DNAH9: variants seen among roughly 807,000 people sequenced by gnomAD.
DNAH9 encodes dynein axonemal heavy chain 9, also known as DNAH9 variant protein.
A neutral mutation model predicts 471.6 loss-of-function variants in DNAH9; 345 were observed. That is an observed-to-expected ratio of 0.73 (90% CI 0.67 to 0.80). DNAH9 has a LOEUF of 0.80. Ranked by LOEUF, DNAH9 falls within the 30% of genes least tolerant of loss-of-function variation. The pLI is 0.00. For missense variants in DNAH9, 5,407 were observed against 5,609.2 expected, an observed-to-expected ratio of 0.96 and a Z score of 1.15; for synonymous variants, 2,093 against 2,123.6, an observed-to-expected ratio of 0.99 and a Z score of 0.40.
At position 11,769,153 on chromosome 17, in the gene DNAH9, G is replaced by A. The variant is rs762156853; in HGVS notation, c.7376G>A (p.Arg2459His). 60 of 1,614,062 alleles carry A rather than the reference G, an allele frequency of 3.7e-5. 1 individual carries two copies. Among genetic ancestry groups the A allele is most frequent in the African/African-American group, 1.6e-4 (12 of 74,930 alleles). Residue 2459 changes from arginine to histidine, a missense_variant, in exon 38 of 69, where the codon CGT (arginine) becomes CAT (histidine). Around this residue, in one of 3 missense-constraint regions of DNAH9, gnomAD observed 4,636 missense variants for 4,900.3 expected, o/e 0.95. Transcript: ENST00000262442. Reference protein sequence around the residue: ...ACLVHTSETIRVCYFMERLMA... With the variant: ...ACLVHTSETIHVCYFMERLMA... Reference sequence around the variant, plus strand: ...TTGGTGCACACGAGTGAGACCATCCGTGTGTGCTACTTCATGGAGCGGTTG... The same window carrying A: ...TTGGTGCACACGAGTGAGACCATCCATGTGTGCTACTTCATGGAGCGGTTG...
chr17:11,840,472 C>T lies in DNAH9; in HGVS notation c.9507+5574C>T, dbSNP rs1216371282. ...AATACAATTTTCCTTATACATATAT[C>T]TTTATTGTTTGTGTGTAAGAATTTC... On this transcript the variant is annotated intron_variant, in intron 49 of 68. Transcript: ENST00000262442. Among the ~76,000 whole-genome samples, 3 of 152,072 alleles carry T rather than the reference C, an allele frequency of 2.0e-5. No homozygotes were observed. In the East Asian group the frequency reaches 5.8e-4, roughly 29 times the overall value.
intron 20 of DNAH9, among the ~76,000 whole-genome samples, chr17:11,693,626 T>C (rs371280625): frequency 2.0e-5 from 3 of 152,266 alleles, no homozygotes; most frequent in East Asian, 3.9e-4. Flanking sequence ...ACAGAAAATA[T>C]TGAAAGATAT....
intron 49 of DNAH9, among the ~76,000 whole-genome samples, chr17:11,848,800 T>A (rs1344805046): frequency 1.3e-5 from 2 of 152,068 alleles, no homozygotes; most frequent in East Asian, 1.9e-4. Context: ...ACAGACTTTT[T>A]AAAAATCCTC....
chr17:11,778,311 C>T (rs1373981345), intron 38 of DNAH9, among the ~76,000 whole-genome samples: 4 of 105,432 alleles, frequency 3.8e-5, no homozygotes, highest in African/African-American at 1.4e-4. Flanking sequence ...GCCTGGGCGA[C>T]AGAGTGAGAC....
chr17:11,911,203 T>TA (rs1313875080), intron 61 of DNAH9, among the ~76,000 whole-genome samples: 10 of 152,236 alleles, frequency 6.6e-5, no homozygotes, highest in African/African-American at 2.2e-4. Context: ...CACTTTGAGT[T>TA]AATGTTTCTG....
intron 38 of DNAH9, among the ~76,000 whole-genome samples, chr17:11,769,647 A>G (rs1480800673): frequency 6.6e-6 from 1 of 152,244 alleles, no homozygotes; most frequent in Non-Finnish European, 1.5e-5. Context: ...GAGATTTGCA[A>G]GAACTTGCAG....
At chr17:11,814,401 C>G (rs796670980) in intron 45 of DNAH9, among the ~76,000 whole-genome samples, 121 of 152,298 alleles carry the variant, frequency 7.9e-4, no homozygotes, top group Middle Eastern at 3.4e-3. Context: ...CTAGCTATGA[C>G]AGATTTTGTA....
At chr17:11,606,448 C>CTTTTTTTTTTTTT (rs1156988834) in intron 1 of DNAH9, among the ~76,000 whole-genome samples, 3 of 97,030 alleles carry the variant, frequency 3.1e-5, no homozygotes, top group African/African-American at 1.3e-4. Context: ...CTTTTCTTTT[C>CTTTTTTTTTTTTT]TTTTCTTTTT....
intron 27 of DNAH9, among the ~76,000 whole-genome samples, chr17:11,726,748 T>C (rs2075159310): frequency 6.6e-6 from 1 of 152,030 alleles, no homozygotes; most frequent in Admixed American, 6.6e-5. Flanking sequence ...GAGCTGATAG[T>C]CAAAAAATGC....
At chr17:11,710,549 C>T (rs946328857) in intron 26 of DNAH9, among the ~76,000 whole-genome samples, 1 of 152,108 alleles carries the variant, frequency 6.6e-6, no homozygotes. Flanking sequence ...AAAATTGTAT[C>T]AAGTTTGGAT....
chr17:11,784,328 T>TC lies in DNAH9; in HGVS notation c.7853dup (p.Ala2620GlyfsTer91). ...CACTTCAGCGTGTTTGTCCTCTCCT[T>TC]CCCGGGGGCAGATGCCCTGTCCTCT... On this transcript the variant is annotated frameshift_variant, in exon 41 of 69. Transcript: ENST00000262442. LOFTEE classifies it high-confidence loss of function. The TC allele has an allele frequency of 6.2e-7, 1 of 1,614,188 alleles. No individual in the cohort carries two copies. Among genetic ancestry groups the TC allele is most frequent in the Non-Finnish European group, 8.5e-7 (1 of 1,180,040 alleles).
intron 68 of DNAH9, among the ~76,000 whole-genome samples, chr17:11,966,378 G>T (rs981216594): frequency 1.3e-5 from 2 of 152,178 alleles, no homozygotes; most frequent in Non-Finnish European, 2.9e-5. Flanking sequence ...TTTCAAAAGT[G>T]AAGAAAGTGA....
At chr17:11,808,115 C>T (rs1340763524) in intron 44 of DNAH9, among the ~76,000 whole-genome samples, 6 of 152,192 alleles carry the variant, frequency 3.9e-5, no homozygotes, top group Non-Finnish European at 8.8e-5. Flanking sequence ...AGACCTCAGG[C>T]GTCCTAGTTA....
intron 28 of DNAH9, 51 bp downstream of exon 28, chr17:11,727,973 C>A: frequency 2.5e-6 from 3 of 1,183,676 alleles, no homozygotes; most frequent in South Asian, 2.4e-5. Flanking sequence ...TTGATTACTG[C>A]GGAAGTCTAT....
intron 50 of DNAH9, among the ~76,000 whole-genome samples, chr17:11,859,875 C>G (rs1279325416): frequency 1.3e-5 from 2 of 152,180 alleles, no homozygotes; most frequent in African/African-American, 4.8e-5. Flanking sequence ...CCACCAGGCC[C>G]CACTTCCAAC....
chr17:11,606,091 A>G lies in DNAH9; in HGVS notation c.418-2038A>G, dbSNP rs1023282246. On this transcript the variant is annotated intron_variant, in intron 1 of 68. Coordinates refer to ENST00000262442, the MANE Select transcript of DNAH9 (RefSeq NM_001372.4). ...TTCAAATGGTTCTTTCTTAACATGA[A>G]TGTGATAAAGCTTAATTTGTAAACT... Among the ~76,000 whole-genome samples the G allele has an allele frequency of 4.6e-5, 7 of 152,272 alleles. No homozygotes were observed. The South Asian group carries it at 1.4e-3, about 32-fold the overall frequency.
At chr17:11,893,576 G>A (rs1343031836) in intron 58 of DNAH9, among the ~76,000 whole-genome samples, 2 of 152,142 alleles carry the variant, frequency 1.3e-5, no homozygotes, top group African/African-American at 4.8e-5. Context: ...GGACATAGAT[G>A]AAGCTGGAAA....
intron 42 of DNAH9, among the ~76,000 whole-genome samples, chr17:11,795,616 G>A (rs1265267946): frequency 5.3e-5 from 8 of 152,046 alleles, no homozygotes; most frequent in African/African-American, 1.9e-4. Context: ...ATTGTTATTG[G>A]GGCCTGATGT....
rs1976230187 is a variant in DNAH9 at position 11,961,957 on chromosome 17, C to A, written c.12934C>A (p.Pro4312Thr). ...AGAGTCCTGGGCTAGACGAGCCTAC[C>A]CTTCCACAGCAGGCCTGGCAGCCTG... ...VPESWARRAY[P>T]STAGLAAWFP... Residue 4312 changes from proline to threonine, a missense_variant, in exon 68 of 69, where the codon CCT (proline) becomes ACT (threonine). By Grantham distance (38) the Pro-to-Thr change is conservative. Transcript: ENST00000262442. 1.2e-6 allele frequency: 2 copies of A among 1,614,146 alleles called. No homozygotes were observed. The highest frequency in any genetic ancestry group is 8.5e-7 in the Non-Finnish European group (1 of 1,180,026).
Sources: gnomAD v4.1 joint callset for allele counts (sites outside exome capture counted in the v4.1 genomes callset) on GRCh38, gnomAD v4.1.1 for gene constraint, gnomAD v4.1.1 regional missense constraint, MANE v1.5 for transcripts, NCBI Gene and HGNC (gene_info 2026-07-23, HGNC 2026-07-21) for gene names.